MALRD1: variants seen among roughly 807,000 people sequenced by gnomAD.
MALRD1 encodes MAM and LDL-receptor class A domain-containing protein 1.
A neutral mutation model predicts 242.1 loss-of-function variants in MALRD1; 247 were observed. That is an observed-to-expected ratio of 1.02 (90% CI 0.92 to 1.13). MALRD1 has a LOEUF of 1.13. MALRD1 is among the 50% of genes most tolerant of loss of function. The pLI is 0.00. For synonymous variants in MALRD1, 995 were observed against 866.6 expected (o/e 1.15, Z -2.60); for missense variants, 2,989 against 2,533.1 (o/e 1.18, Z -3.86).
intron 38 of MALRD1, among the ~76,000 whole-genome samples, chr10:19,704,290 C>A (rs1446166001): frequency 6.6e-6 from 1 of 152,170 alleles, no homozygotes; most frequent in Non-Finnish European, 1.5e-5. Flanking sequence ...GCATTTAAGT[C>A]TCACAGTTCT....
intron 12 of MALRD1, among the ~76,000 whole-genome samples, chr10:19,157,673 A>G (rs964801705): frequency 6.6e-6 from 1 of 152,140 alleles, no homozygotes; most frequent in Non-Finnish European, 1.5e-5. Flanking sequence ...CATGGAACCA[A>G]TGTTCTTCAT....
At chr10:19,729,877 C>T (rs1835212910) in intron 38 of MALRD1, among the ~76,000 whole-genome samples, 1 of 151,336 alleles carries the variant, frequency 6.6e-6, no homozygotes, top group African/African-American at 2.4e-5. Flanking sequence ...GCTGGGACTA[C>T]AGGCGCCCGC....
chr10:19,431,312 T>A (rs910133222), intron 28 of MALRD1, among the ~76,000 whole-genome samples: 1 of 151,284 alleles, frequency 6.6e-6, no homozygotes, highest in Non-Finnish European at 1.5e-5. Context: ...TTTATACTTC[T>A]TTTTTTTCAG....
intron 26 of MALRD1, 35 bp downstream of exon 26, chr10:19,352,332 T>C: frequency 6.6e-7 from 1 of 1,521,250 alleles, no homozygotes; most frequent in East Asian, 2.5e-5. Context: ...GTGGTATTTT[T>C]GCATGGTGAA....
intron 33 of MALRD1, among the ~76,000 whole-genome samples, chr10:19,587,778 G>A (rs557056646): frequency 3.9e-4 from 59 of 152,072 alleles, no homozygotes; most frequent in African/African-American, 1.4e-3. Context: ...GAATGTCGAA[G>A]TTCCTAAATG....
At chr10:19,583,372 G>A (rs1837226859) in intron 33 of MALRD1, among the ~76,000 whole-genome samples, 4 of 151,144 alleles carry the variant, frequency 2.6e-5, no homozygotes, top group East Asian at 3.9e-4. Flanking sequence ...GTCGTAGATA[G>A]CTCTTATTAT....
chr10:19,466,835 A>T (rs1392774357), intron 29 of MALRD1, among the ~76,000 whole-genome samples: 1 of 152,190 alleles, frequency 6.6e-6, no homozygotes, highest in Non-Finnish European at 1.5e-5. Context: ...ATTTTATACA[A>T]TATTTTAAAT....
At chr10:19,312,177 C>T (rs1055686068) in intron 21 of MALRD1, among the ~76,000 whole-genome samples, 3 of 151,230 alleles carry the variant, frequency 2.0e-5, no homozygotes, top group Non-Finnish European at 4.4e-5. Flanking sequence ...AAAGAAATGG[C>T]ACCACGTGAA....
rs112764452 is a variant in MALRD1 at position 19,543,183 on chromosome 10, C to G, written c.5478+11832C>G. 6.2e-3 allele frequency among the ~76,000 whole-genome samples: 946 copies of G among 152,294 alleles called. 7 individuals are homozygous for G. The highest frequency in any genetic ancestry group is 0.019 in the African/African-American group (797 of 41,548). On this transcript the variant is annotated intron_variant, in intron 32 of 39. Transcript: ENST00000454679. ...CACTGCAGCCTTGCCTTCCCAGGCT[C>G]AAGCAATTCTCTGGCCTCAGCCTCT...
At chr10:19,559,597 A>G (rs1322295348) in intron 32 of MALRD1, among the ~76,000 whole-genome samples, 2 of 152,156 alleles carry the variant, frequency 1.3e-5, no homozygotes, top group Non-Finnish European at 2.9e-5. Context: ...CTTCATGACT[A>G]AAACACCAAA....
Position 19,346,568 on chromosome 10 carries a change from A to G in MALRD1, c.3902-1203A>G, listed in dbSNP as rs552423381. Among the ~76,000 whole-genome samples the G allele has an allele frequency of 2.0e-5, 3 of 152,318 alleles. No individual in the cohort carries two copies. The South Asian group carries it at 6.2e-4, about 32-fold the overall frequency. On this transcript the variant is annotated intron_variant, in intron 24 of 39. Coordinates refer to ENST00000454679, the MANE Select transcript of MALRD1 (RefSeq NM_001142308.3). ...GACTTTTATTTCAGTTGTAATATTC[A>G]AGAAGAACTTCATAAAGAATTATTG...
At chr10:19,383,534 A>G (rs1474175324) in intron 26 of MALRD1, among the ~76,000 whole-genome samples, 2 of 152,216 alleles carry the variant, frequency 1.3e-5, no homozygotes, top group Non-Finnish European at 2.9e-5. Context: ...TCTTTATGGT[A>G]GAATGATTTA....
At chr10:19,654,287 A>G (rs933837489) in intron 36 of MALRD1, among the ~76,000 whole-genome samples, 2 of 148,112 alleles carry the variant, frequency 1.4e-5, no homozygotes, top group African/African-American at 2.7e-5. Flanking sequence ...TTATCAAAAA[A>G]GTGGGGTTTT....
intron 29 of MALRD1, among the ~76,000 whole-genome samples, chr10:19,464,390 G>A (rs34744132): frequency 0.32 from 48,958 of 151,994 alleles, 8,495 homozygotes; most frequent in East Asian, 0.42. Flanking sequence ...TTTTGTATAA[G>A]GTGAGAGATG....
intron 28 of MALRD1, among the ~76,000 whole-genome samples, chr10:19,404,578 A>G (rs1472700528): frequency 6.6e-6 from 1 of 152,090 alleles, no homozygotes; most frequent in African/African-American, 2.4e-5. Flanking sequence ...TTATTAATGT[A>G]AATATAGCCA....
chr10:19,145,500 T>C (rs1833697697), intron 10 of MALRD1, among the ~76,000 whole-genome samples: 1 of 151,674 alleles, frequency 6.6e-6, no homozygotes, highest in South Asian at 2.1e-4. Context: ...AAAAAAAATA[T>C]CCGAGCATCG....
intron 12 of MALRD1, among the ~76,000 whole-genome samples, chr10:19,157,388 CA>C (rs1407088168): frequency 6.6e-6 from 1 of 151,190 alleles, no homozygotes; most frequent in Non-Finnish European, 1.5e-5. Context: ...GCTGGGACTA[CA>C]GGTGCCCACA....
intron 24 of MALRD1, among the ~76,000 whole-genome samples, chr10:19,333,440 C>T (rs1188320415): frequency 6.6e-6 from 1 of 152,218 alleles, no homozygotes; most frequent in African/African-American, 2.4e-5. Context: ...GAATTATGGC[C>T]TCCACCTGTG....
chr10:19,631,604 T>C (rs7922632), intron 36 of MALRD1, among the ~76,000 whole-genome samples: 4,351 of 152,232 alleles, frequency 0.029, 196 homozygotes, highest in African/African-American at 0.089. Context: ...ATTTACACTC[T>C]CATCAACAGT....
Sources: gnomAD v4.1 joint callset for allele counts (sites outside exome capture counted in the v4.1 genomes callset) on GRCh38, gnomAD v4.1.1 for gene constraint, MANE v1.5 for transcripts, NCBI Gene and HGNC (gene_info 2026-07-23, HGNC 2026-07-21) for gene names.